The following OGDH variants were observed in gnomAD, a reference collection of about 807,000 sequenced individuals.
The protein encoded by OGDH is oxoglutarate dehydrogenase, also known as 2-oxoglutarate dehydrogenase complex component E1.
Under a neutral mutation model 116.6 loss-of-function variants are expected in OGDH, and 38 were observed. The ratio of observed to expected loss-of-function variants is 0.33; its 90% CI spans 0.25 to 0.43. The LOEUF (loss-of-function observed/expected upper bound fraction) is 0.43. Among genes scored for constraint, OGDH ranks in the 20% least tolerant of loss-of-function variants. The pLI is 1.00. For synonymous variants in OGDH, 488 were observed against 533.3 expected (o/e 0.92, Z 1.17); for missense variants, 825 against 1,357.2 (o/e 0.61, Z 6.16).
Position 44,694,778 on chromosome 7 carries a change from T to C in OGDH, c.1668+202T>C, listed in dbSNP as rs1788507022. ...AGATGCTTTATAAAGGAAGTGGGCC[T>C]TAAACAGTGTTTTGGGGAAGGGAAG... On this transcript the variant is annotated intron_variant, in intron 12 of 22. Transcript: ENST00000222673. This position sits in a 1 kb window ranked among gnomAD's most constrained non-coding sequence, Gnocchi z 4.2. Among the ~76,000 whole-genome samples the C allele has an allele frequency of 6.6e-6, 1 of 152,216 alleles. No individual in the cohort carries two copies. Among genetic ancestry groups the C allele is most frequent in the Non-Finnish European group, 1.5e-5 (1 of 68,040 alleles).
intron 10 of OGDH, among the ~76,000 whole-genome samples, chr7:44,683,047 G>T (rs1408153924): frequency 6.6e-6 from 1 of 151,948 alleles, no homozygotes; most frequent in Non-Finnish European, 1.5e-5. Flanking sequence ...TACTTGGGAG[G>T]CTGAGGCAGG....
At chr7:44,623,195 G>A (rs1785068523) in intron 1 of OGDH, among the ~76,000 whole-genome samples, 1 of 152,024 alleles carries the variant, frequency 6.6e-6, no homozygotes, top group African/African-American at 2.4e-5. Flanking sequence ...GGCTCTTCCC[G>A]TCTCTGTGTT....
At chr7:44,688,821 C>T (rs1242768655) in intron 10 of OGDH, among the ~76,000 whole-genome samples, 2 of 152,144 alleles carry the variant, frequency 1.3e-5, no homozygotes, top group African/African-American at 4.8e-5. Flanking sequence ...ATAATCTCAG[C>T]TCACTGCAAC....
chr7:44,706,179 G>C (rs1049669476), intron 20 of OGDH, among the ~76,000 whole-genome samples: 1 of 152,048 alleles, frequency 6.6e-6, no homozygotes, highest in East Asian at 1.9e-4. Flanking sequence ...CTGAGCTCAA[G>C]GGATCCTCCT....
intron 18 of OGDH, 90 bp from the exon 19 acceptor site, chr7:44,700,049 AAT>A: frequency 7.3e-7 from 1 of 1,374,748 alleles, no homozygotes; most frequent in Non-Finnish European, 1.0e-6. Context: ...GGCAGGGACA[AAT>A]ATCCAAACTA....
At chr7:44,701,853 C>G (rs1319543257) in intron 20 of OGDH, among the ~76,000 whole-genome samples, 1 of 152,116 alleles carries the variant, frequency 6.6e-6, no homozygotes, top group East Asian at 1.9e-4. Context: ...GGGCAGATCA[C>G]CTGAGGTCGG....
chr7:44,618,373 A>G (rs932262754), intron 1 of OGDH, among the ~76,000 whole-genome samples: 17 of 152,158 alleles, frequency 1.1e-4, no homozygotes, highest in African/African-American at 3.9e-4. Context: ...TCCCAAAAAG[A>G]AAGCCCTATG....
chr7:44,616,713 T>G (rs1462751120), intron 1 of OGDH, among the ~76,000 whole-genome samples: 2 of 139,750 alleles, frequency 1.4e-5, no homozygotes, highest in Non-Finnish European at 3.0e-5. Flanking sequence ...ACACACATGT[T>G]TATGTATATA....
rs548836266 is a variant in OGDH, at chr7:44,664,936, A to G, written c.518-1800A>G. 2.6e-5 allele frequency among the ~76,000 whole-genome samples: 4 copies of G among 152,358 alleles called. No individual in the cohort carries two copies. In the South Asian group the frequency reaches 8.3e-4, roughly 32 times the overall value. On this transcript the variant is annotated intron_variant, in intron 4 of 22. Transcript: ENST00000222673. ...TGTAGGCACCTACTTCACAGGGTCC[A>G]TGCTGAAAGACTGCAACCAATACAC...
rs1248856630 is a variant in OGDH at position 44,701,533 on chromosome 7, T to C, written c.2560-10T>C. 1 of 1,613,304 alleles carries C rather than the reference T, an allele frequency of 6.2e-7. No homozygotes were observed. Among genetic ancestry groups the C allele is most frequent in the Admixed American group, 1.7e-5 (1 of 60,012 alleles). On this transcript the variant is annotated splice_polypyrimidine_tract_variant and intron_variant, in intron 19 of 22. Coordinates refer to ENST00000222673, the MANE Select transcript of OGDH (RefSeq NM_002541.4). Reference sequence around the variant, plus strand: ...CTGATCCTTCACGAGCCTATTGTTCTGTATTTCAGTTAATTATCTTCACCC... The same window carrying C: ...CTGATCCTTCACGAGCCTATTGTTCCGTATTTCAGTTAATTATCTTCACCC...
chr7:44,678,622 C>T (rs1001576717), intron 9 of OGDH, among the ~76,000 whole-genome samples: 3 of 152,174 alleles, frequency 2.0e-5, no homozygotes, highest in African/African-American at 7.2e-5. Context: ...CTTGTTGTCA[C>T]AAGTTTGCCC....
Position 44,666,817 on chromosome 7 carries a change from C to A in OGDH, c.599C>A (p.Ala200Glu). The change falls in exon 5 of 23, where the codon GCA becomes GAA. Residue 200 changes from alanine (A) to glutamate (E), a missense_variant. Coordinates refer to ENST00000222673, the MANE Select transcript of OGDH (RefSeq NM_002541.4). The stretch of plus-strand genomic sequence containing the variant: ...ACTTTCATCGGGGGACAGGAATCAG[C>A]ACTTCCTCTGCGGGAGATCATCCGT... The part of the protein sequence containing the change: ...TTTFIGGQES[A>E]LPLREIIRRL... 6.2e-7 allele frequency: 1 copy of A among 1,612,812 alleles called. No homozygotes were observed. Among genetic ancestry groups the A allele is most frequent in the Non-Finnish European group, 8.5e-7 (1 of 1,179,340 alleles).
intron 10 of OGDH, among the ~76,000 whole-genome samples, chr7:44,682,574 A>G (rs1316174880): frequency 2.6e-5 from 4 of 151,484 alleles, no homozygotes; most frequent in Non-Finnish European, 4.4e-5. Context: ...GCGCACTTGT[A>G]ATCCCAGCTG....
chr7:44,645,313 T>A lies in OGDH; in HGVS notation c.223-14T>A. On this transcript the variant is annotated splice_polypyrimidine_tract_variant and intron_variant, in intron 2 of 22. Transcript: ENST00000222673. ...GGGAGCAGTGAGGTAACCCTGTACC[T>A]TCTTTGTCTTTAGTCATGGGACATT... 6.2e-7 allele frequency: 1 copy of A among 1,612,682 alleles called. No homozygotes were observed. Among genetic ancestry groups the A allele is most frequent in the Non-Finnish European group, 8.5e-7 (1 of 1,179,098 alleles).
intron 19 of OGDH, among the ~76,000 whole-genome samples, chr7:44,700,941 G>A (rs1026917025): frequency 6.6e-6 from 1 of 152,130 alleles, no homozygotes; most frequent in Non-Finnish European, 1.5e-5. Flanking sequence ...GGAGAATAGC[G>A]TGAACCCGGG....
At chr7:44,678,140 G>C (rs1337566774) in intron 9 of OGDH, among the ~76,000 whole-genome samples, 1 of 152,006 alleles carries the variant, frequency 6.6e-6, no homozygotes, top group African/African-American at 2.4e-5. Context: ...ACTTCAACTA[G>C]ATGCAAAGAG....
intron 1 of OGDH, among the ~76,000 whole-genome samples, chr7:44,617,877 A>AC (rs1359552630): frequency 6.6e-6 from 1 of 151,818 alleles, no homozygotes; most frequent in African/African-American, 2.4e-5. Flanking sequence ...CTTTTTAATC[A>AC]CCCCCCTACC....
chr7:44,653,367 A>G (rs1490695832), intron 4 of OGDH, among the ~76,000 whole-genome samples: 1 of 152,154 alleles, frequency 6.6e-6, no homozygotes, highest in Non-Finnish European at 1.5e-5. Context: ...TGTTGGGATT[A>G]CAGAGGTGAG....
intron 5 of OGDH, among the ~76,000 whole-genome samples, chr7:44,671,703 G>T (rs1482637313): frequency 6.7e-6 from 1 of 150,286 alleles, no homozygotes; most frequent in Non-Finnish European, 1.5e-5. Flanking sequence ...GGGAGGCGGA[G>T]GTTGCAGTGA....
Sources: allele counts gnomAD v4.1 joint callset (sites outside exome capture counted in the v4.1 genomes callset), GRCh38; gene constraint gnomAD v4.1.1; non-coding constraint Gnocchi (gnomAD v3.1); transcripts MANE v1.5; gene names NCBI Gene and HGNC (gene_info 2026-07-23, HGNC 2026-07-21).